The following GTF3C1 variants were observed in gnomAD, a reference collection of about 807,000 sequenced individuals.
GTF3C1 encodes general transcription factor IIIC subunit 1.
GTF3C1 carries 57 observed loss-of-function variants against 226.7 expected under a neutral mutation model. The observed-to-expected ratio is 0.25, with a 90% CI of 0.20 to 0.31. GTF3C1 has a LOEUF of 0.31. Ranked by LOEUF, GTF3C1 falls within the 10% of genes least tolerant of loss-of-function variation. GTF3C1 has a pLI of 1.00. For synonymous variants in GTF3C1, 1,090 were observed against 1,084.8 expected, an observed-to-expected ratio of 1.00 and a Z score of -0.09; for missense variants, 2,217 against 2,776.1, an observed-to-expected ratio of 0.80 and a Z score of 4.53.
At chr16:27,509,553 C>T (rs1316344982) in intron 7 of GTF3C1, among the ~76,000 whole-genome samples, 1 of 151,656 alleles carries the variant, frequency 6.6e-6, no homozygotes, top group Non-Finnish European at 1.5e-5. Flanking sequence ...GTCAGGAGAT[C>T]GAGACCATCC....
At position 27,507,640 on chromosome 16, in the gene GTF3C1, C is replaced by A. The variant is rs558475912; in HGVS notation, c.1243-484G>T. On this transcript the variant is annotated intron_variant, in intron 8 of 36. Coordinates refer to ENST00000356183, the MANE Select transcript of GTF3C1 (RefSeq NM_001520.4). This position sits in a 1 kb window ranked among gnomAD's most constrained non-coding sequence, Gnocchi z 4.9. Reference sequence around the variant, plus strand: ...ACAGGGCAAGGGGCTCTTCCCAGGGCCTTTGATAGGAAAAGAGTAACATCT... The same window carrying A: ...ACAGGGCAAGGGGCTCTTCCCAGGGACTTTGATAGGAAAAGAGTAACATCT... Among the ~76,000 whole-genome samples, 1 of 152,204 alleles carries A rather than the reference C, an allele frequency of 6.6e-6. No individual in the cohort carries two copies. The highest frequency in any genetic ancestry group is 1.5e-5 in the Non-Finnish European group (1 of 68,038).
At chr16:27,494,183 C>T (rs1596632025) in intron 16 of GTF3C1, among the ~76,000 whole-genome samples, 1 of 152,068 alleles carries the variant, frequency 6.6e-6, no homozygotes, top group African/African-American at 2.4e-5. Flanking sequence ...GGGCGGATCA[C>T]AAGGTCAGAA....
At chr16:27,484,803 G>C (rs2088110469) in intron 24 of GTF3C1, among the ~76,000 whole-genome samples, 1 of 152,230 alleles carries the variant, frequency 6.6e-6, no homozygotes. Context: ...AGACCCAGGA[G>C]AACATCTTGG....
chr16:27,492,426 G>A lies in GTF3C1; in HGVS notation c.3063C>T (p.Phe1021=), dbSNP rs183251821. ...HYNLARSSRP[F]ERRLYVLNSM... The stretch of plus-strand genomic sequence containing the variant: ...AGTTCAGGACATAGAGGCGCCTCTC[G>A]AAGGGCCGGCTGCTGCGGGCCAGGT... Residue 1021 remains phenylalanine (F), a synonymous_variant, in exon 19 of 37, where the codon TTC becomes TTT. Coordinates refer to ENST00000356183, the MANE Select transcript of GTF3C1 (RefSeq NM_001520.4). This position sits in a 1 kb window ranked among gnomAD's most constrained non-coding sequence, Gnocchi z 5.0. The A allele has an allele frequency of 1.3e-4, 212 of 1,611,166 alleles. No homozygotes were observed. In the East Asian group the frequency reaches 2.0e-3, roughly 15 times the overall value.
chr16:27,526,095 G>A (rs1276604089), intron 6 of GTF3C1, among the ~76,000 whole-genome samples: 1 of 152,124 alleles, frequency 6.6e-6, no homozygotes, highest in Admixed American at 6.6e-5. Flanking sequence ...CTATTTTGTT[G>A]GGAAAACCCC....
chr16:27,525,957 T>G (rs2088828098), intron 6 of GTF3C1, among the ~76,000 whole-genome samples: 2 of 142,860 alleles, frequency 1.4e-5, no homozygotes, highest in Admixed American at 1.4e-4. Flanking sequence ...GTTTGTTTCT[T>G]ATGAGTTTTC....
intron 25 of GTF3C1, among the ~76,000 whole-genome samples, chr16:27,483,924 A>G (rs192400175): frequency 1.9e-4 from 29 of 152,312 alleles, no homozygotes; most frequent in Non-Finnish European, 2.8e-4. Context: ...CGTGGTACTT[A>G]GCGAGTCAGC....
intron 25 of GTF3C1, among the ~76,000 whole-genome samples, chr16:27,483,915 G>A (rs772032692): frequency 2.6e-5 from 4 of 152,180 alleles, no homozygotes; most frequent in Non-Finnish European, 4.4e-5. Flanking sequence ...AGCTAGGCAC[G>A]TGGTACTTAG....
chr16:27,496,444 G>T (rs1457357165), intron 14 of GTF3C1, among the ~76,000 whole-genome samples: 1 of 152,078 alleles, frequency 6.6e-6, no homozygotes, highest in Admixed American at 6.6e-5. Flanking sequence ...ACAGAGTCTC[G>T]CTCTGTTGCC....
At chr16:27,484,134 A>T in intron 25 of GTF3C1, 77 bp downstream of exon 25, 1 of 1,087,886 alleles carries the variant, frequency 9.2e-7, no homozygotes, top group Non-Finnish European at 1.4e-6. Flanking sequence ...TGCTCCAGCC[A>T]CACTTCCCAC....
intron 27 of GTF3C1, 28 bp from the exon 28 acceptor site, chr16:27,478,559 G>C: frequency 6.4e-7 from 1 of 1,553,516 alleles, no homozygotes; most frequent in Non-Finnish European, 8.9e-7. Context: ...CAGCATGTCA[G>C]TGAAACAAAA....
At chr16:27,491,076 A>T (rs1231208899) in intron 19 of GTF3C1, among the ~76,000 whole-genome samples, 2 of 152,240 alleles carry the variant, frequency 1.3e-5, no homozygotes, top group Non-Finnish European at 2.9e-5. Context: ...TCACTGCTGA[A>T]TGCCAGAGGA....
At chr16:27,513,560 A>C (rs2088609982) in intron 6 of GTF3C1, among the ~76,000 whole-genome samples, 1 of 152,184 alleles carries the variant, frequency 6.6e-6, no homozygotes, top group African/African-American at 2.4e-5. Flanking sequence ...AGACAGAGGA[A>C]GGGACCACAA....
At chr16:27,548,468 C>T (rs551196107) in intron 1 of GTF3C1, among the ~76,000 whole-genome samples, 1 of 152,150 alleles carries the variant, frequency 6.6e-6, no homozygotes, top group South Asian at 2.1e-4. Context: ...GGTTTCACCA[C>T]GTTGGTCAGG....
chr16:27,479,907 A>T (rs2088013179), intron 27 of GTF3C1, among the ~76,000 whole-genome samples: 1 of 152,136 alleles, frequency 6.6e-6, no homozygotes, highest in Admixed American at 6.5e-5. Flanking sequence ...TTCTTTTATG[A>T]TTAAAAATTG....
rs544963281 is a variant in GTF3C1, at chr16:27,469,732, C to T, written c.4815-182G>A. Among the ~76,000 whole-genome samples the T allele has an allele frequency of 1.3e-5, 2 of 152,194 alleles. No homozygotes were observed. The highest frequency in any genetic ancestry group is 6.5e-5 in the Admixed American group (1 of 15,296). On this transcript the variant is annotated intron_variant, in intron 31 of 36. Coordinates refer to ENST00000356183, the MANE Select transcript of GTF3C1 (RefSeq NM_001520.4). The surrounding 1 kb of genome is among the most constrained non-coding windows in gnomAD (Gnocchi z 4.5). ...AGATCCATCCCCTTTCCCACCTTCCCGTGCACCGCGCTCACCCCTTGTCAC... is the reference window on the plus strand; with the variant it reads ...AGATCCATCCCCTTTCCCACCTTCCTGTGCACCGCGCTCACCCCTTGTCAC...
Position 27,462,307 on chromosome 16 carries a change from A to T in GTF3C1, c.6104T>A (p.Leu2035Gln), listed in dbSNP as rs149041270. 1.1e-4 allele frequency: 176 copies of T among 1,551,960 alleles called. No individual in the cohort carries two copies. Among genetic ancestry groups the T allele is most frequent in the Non-Finnish European group, 1.5e-4 (172 of 1,148,262 alleles). ...YQGVLQPVAV[L>Q]ELLQGLESLG... ...AAGGCCCCACACCTGGAGCAACTCC[A>T]GCACGGCGACGGGCTGCAGGACCCC... is the stretch of plus-strand genomic sequence containing the variant. Residue 2035 changes from leucine to glutamine, a missense_variant, in exon 36 of 37, where the codon CTG becomes CAG. Coordinates refer to ENST00000356183, the MANE Select transcript of GTF3C1 (RefSeq NM_001520.4). The surrounding 1 kb of genome is among the most constrained non-coding windows in gnomAD (Gnocchi z 4.5).
In GTF3C1 at chr16:27,483,050, G is replaced by A. The variant is rs746901001; in HGVS notation, c.4077C>T (p.Asp1359=). 2.5e-6 allele frequency: 4 copies of A among 1,614,030 alleles called. No individual in the cohort carries two copies. Among genetic ancestry groups the A allele is most frequent in the Non-Finnish European group, 3.4e-6 (4 of 1,179,908 alleles). Reference sequence around the variant, plus strand: ...ACACTCACACAGGACCTACCTTTGGGTCATCATAGTCACCTCTTCGATTCA... The same window carrying A: ...ACACTCACACAGGACCTACCTTTGGATCATCATAGTCACCTCTTCGATTCA... The part of the protein sequence containing the change: ...DFMNRRGDYD[D]PKVCANEFKE... Residue 1359 remains aspartate, a synonymous_variant, in exon 26 of 37, where the codon GAC becomes GAT. Transcript: ENST00000356183.
intron 1 of GTF3C1, among the ~76,000 whole-genome samples, chr16:27,549,388 T>A (rs1030505325): frequency 2.0e-5 from 3 of 152,110 alleles, no homozygotes; most frequent in Admixed American, 6.6e-5. Context: ...CTTTTAAGCC[T>A]GAAGAATATC....
Sources: gnomAD v4.1 joint callset for allele counts (sites outside exome capture counted in the v4.1 genomes callset) on GRCh38, gnomAD v4.1.1 for gene constraint, Gnocchi (gnomAD v3.1) non-coding constraint, MANE v1.5 for transcripts, NCBI Gene and HGNC (gene_info 2026-07-23, HGNC 2026-07-21) for gene names.